Variants in NIM1K observed in about 807,000 individuals in gnomAD.
NIM1K encodes NIM1 serine/threonine protein kinase.
NIM1K carries 35 observed loss-of-function variants against 37.1 expected under a neutral mutation model. The observed-to-expected ratio is 0.94, with a 90% CI of 0.72 to 1.25. The LOEUF is 1.25. Ranked by LOEUF, NIM1K falls within the 50% of genes most tolerant of loss-of-function variation. The probability of loss-of-function intolerance (pLI) is 0.00; values close to 1 mark genes in which losing one functional copy is unlikely to be tolerated. For missense variants in NIM1K, 564 were observed against 548.0 expected (o/e 1.03, Z -0.29); for synonymous variants, 234 against 206.6 (o/e 1.13, Z -1.14).
intron 1 of NIM1K, chr5:43,232,543 T>A (rs1752555287): frequency 8.2e-6 from 13 of 1,579,400 alleles, no homozygotes; most frequent in Non-Finnish European, 1.1e-5. Flanking sequence ...CCAGATATCA[T>A]AAGTGGCCTC....
chr5:43,225,689 A>G (rs1752447765), intron 1 of NIM1K: 1 of 155,164 alleles, frequency 6.4e-6, no homozygotes, highest in South Asian at 2.0e-4. Flanking sequence ...CTCAAGAGGC[A>G]CCAGGCTTCC....
rs70994612 is a variant in NIM1K at position 43,218,724 on chromosome 5, C to CTT, written c.-695+26326_-695+26327dup. 8.1e-4 allele frequency among the ~76,000 whole-genome samples: 115 copies of CTT among 141,112 alleles called. 1 individual carries two copies. Among genetic ancestry groups the CTT allele is most frequent in the Non-Finnish European group, 1.0e-3 (67 of 65,288 alleles). 92.6% of individuals were successfully genotyped at this position (141,112 alleles called of 152,430 possible). A position where few individuals can be genotyped will look rare whatever the true frequency, so the allele number is the denominator to read the frequency against. On this transcript the variant is annotated intron_variant, in intron 1 of 3. Transcript: ENST00000326035. ...TTGAGGATCAAATTTTTCTTCTTTTCTTTTTTTTTTTTTTGTGAGTCTCAT... is the reference window on the plus strand; with the variant it reads ...TTGAGGATCAAATTTTTCTTCTTTTCTTTTTTTTTTTTTTTTGTGAGTCTCAT...
intron 1 of NIM1K, chr5:43,232,848 G>A: frequency 9.6e-7 from 1 of 1,042,478 alleles, no homozygotes; most frequent in Non-Finnish European, 1.5e-6. Flanking sequence ...GGCCAATGGT[G>A]TAGTGCCTTC....
intron 1 of NIM1K, among the ~76,000 whole-genome samples, chr5:43,226,409 T>A (rs1197468123): frequency 6.6e-6 from 1 of 152,094 alleles, no homozygotes; most frequent in East Asian, 1.9e-4. Context: ...CTGGAAATAT[T>A]TTGAAGGTAG....
chr5:43,280,114 G>T lies in NIM1K; in HGVS notation c.696G>T (p.Gly232=), dbSNP rs753434645. ...KKGEMLNTFC[G]SPPYAAPELF... ...GTGAAATGCTGAACACTTTCTGTGG[G>T]TCTCCTCCCTACGCTGCGCCTGAAC... The change falls in exon 4 of 4, where the codon GGG becomes GGT. Residue 232 remains glycine, a synonymous_variant. Coordinates refer to ENST00000326035, the MANE Select transcript of NIM1K (RefSeq NM_153361.4). 3.7e-6 allele frequency: 6 copies of T among 1,614,150 alleles called. No homozygotes were observed. Among genetic ancestry groups the T allele is most frequent in the Non-Finnish European group, 5.1e-6 (6 of 1,180,034 alleles).
chr5:43,277,815 T>TGTGTGTGTGTGTGAGA lies in NIM1K; in HGVS notation c.561+491_561+492insTGTGTGTGTGTGAGAG, dbSNP rs532526440. Among the ~76,000 whole-genome samples, 9 of 128,980 alleles carry TGTGTGTGTGTGTGAGA rather than the reference T, an allele frequency of 7.0e-5. 1 individual carries two copies. Among genetic ancestry groups the TGTGTGTGTGTGTGAGA allele is most frequent in the African/African-American group, 2.6e-4 (9 of 34,584 alleles). The allele number at this position is 128,980 out of a possible 152,430, so 84.6% of individuals were successfully genotyped here. A position where few individuals can be genotyped will look rare whatever the true frequency, so the allele number is the denominator to read the frequency against. On this transcript the variant is annotated intron_variant, in intron 3 of 3. Coordinates refer to ENST00000326035, the MANE Select transcript of NIM1K (RefSeq NM_153361.4). ...GTGTGTGTGTGTGTGTGTGTGTGTGTGAGAGAGAGAGAGAGAGAGAGAGAG... is the reference window on the plus strand; with the variant it reads ...GTGTGTGTGTGTGTGTGTGTGTGTGTGTGTGTGTGTGTGAGAGAGAGAGAGAGAGAGAGAGAGAGAG...
Position 43,245,813 on chromosome 5 carries a change from A to G in NIM1K, c.38A>G (p.Asn13Ser). 6.2e-7 allele frequency: 1 copy of G among 1,611,148 alleles called. No homozygotes were observed. The highest frequency in any genetic ancestry group is 8.5e-7 in the Non-Finnish European group (1 of 1,178,438). The change falls in exon 2 of 4, where the codon AAC (asparagine) becomes AGC (serine). Residue 13 changes from asparagine to serine, a missense_variant. Transcript: ENST00000326035. ...TATATGAATGGAGGTGGCCTGGTGA[A>G]CCCCCACTATGCCCGGTGGGATCGG... ...AVYMNGGGLV[N>S]PHYARWDRRD...
At chr5:43,212,089 C>G (rs1453371393) in intron 1 of NIM1K, among the ~76,000 whole-genome samples, 1 of 152,098 alleles carries the variant, frequency 6.6e-6, no homozygotes, top group Admixed American at 6.6e-5. Flanking sequence ...ATTTCCGCCT[C>G]TCTTGGATGC....
chr5:43,224,697 A>ATTTT lies in NIM1K; in HGVS notation c.-694-20371_-694-20368dup, dbSNP rs34015498. Among the ~76,000 whole-genome samples, 17 of 140,784 alleles carry ATTTT rather than the reference A, an allele frequency of 1.2e-4. 2 individuals carry two copies. The highest frequency in any genetic ancestry group is 4.2e-4 in the East Asian group (2 of 4,756). 92.4% of individuals were successfully genotyped at this position (140,784 alleles called of 152,430 possible). A position where few individuals can be genotyped will look rare whatever the true frequency, so the allele number is the denominator to read the frequency against. ...TCTGATTAACAGCAATAACAAGTGA[A>ATTTT]TTTTTTTTTTTTTTTTTGAGACAGC... On this transcript the variant is annotated intron_variant, in intron 1 of 3. Transcript: ENST00000326035.
intron 1 of NIM1K, among the ~76,000 whole-genome samples, chr5:43,213,440 G>C (rs922464090): frequency 5.4e-5 from 8 of 149,232 alleles, no homozygotes; most frequent in Middle Eastern, 3.5e-3. Context: ...AGTGATTCTC[G>C]TGCCTCAGCC....
At chr5:43,279,581 G>A (rs1044909853) in intron 3 of NIM1K, among the ~76,000 whole-genome samples, 1 of 152,204 alleles carries the variant, frequency 6.6e-6, no homozygotes, top group Non-Finnish European at 1.5e-5. Flanking sequence ...AGCATGGCCG[G>A]AAAGTCAGGG....
chr5:43,275,981 A>T (rs1010437475), intron 2 of NIM1K, among the ~76,000 whole-genome samples: 4 of 149,940 alleles, frequency 2.7e-5, no homozygotes, highest in African/African-American at 9.9e-5. Context: ...GCTCACTGCA[A>T]CCTCTGCCTC....
chr5:43,260,408 C>T (rs1317559095), intron 2 of NIM1K, among the ~76,000 whole-genome samples: 2 of 152,048 alleles, frequency 1.3e-5, no homozygotes, highest in Non-Finnish European at 2.9e-5. Context: ...TCCTTCTATG[C>T]CTAGTTTGTT....
At chr5:43,219,412 A>C (rs888577618) in intron 1 of NIM1K, among the ~76,000 whole-genome samples, 7 of 152,058 alleles carry the variant, frequency 4.6e-5, no homozygotes, top group Non-Finnish European at 1.0e-4. Context: ...TAATTCTAAA[A>C]ATTTTATTTG....
At chr5:43,208,968 T>C (rs1352354600) in intron 1 of NIM1K, among the ~76,000 whole-genome samples, 1 of 152,186 alleles carries the variant, frequency 6.6e-6, no homozygotes, top group East Asian at 1.9e-4. Context: ...AGTCCATGGG[T>C]GTGTACATTT....
intron 1 of NIM1K, among the ~76,000 whole-genome samples, chr5:43,241,362 G>A (rs1752700474): frequency 6.9e-6 from 1 of 145,106 alleles, no homozygotes; most frequent in South Asian, 2.1e-4. Flanking sequence ...ACGGAGTCTC[G>A]CTCTGCCTTT....
At chr5:43,233,705 G>A (rs1419203200) in intron 1 of NIM1K, among the ~76,000 whole-genome samples, 5 of 152,238 alleles carry the variant, frequency 3.3e-5, no homozygotes, top group African/African-American at 7.2e-5. Context: ...TTACAAGGCA[G>A]CAAAAGAGCA....
chr5:43,270,722 A>G (rs1276386301), intron 2 of NIM1K, among the ~76,000 whole-genome samples: 2 of 152,180 alleles, frequency 1.3e-5, no homozygotes, highest in Non-Finnish European at 2.9e-5. Flanking sequence ...GCAGGCAGAG[A>G]GTAGTGGGAA....
At chr5:43,218,563 C>A (rs546656521) in intron 1 of NIM1K, among the ~76,000 whole-genome samples, 2 of 152,112 alleles carry the variant, frequency 1.3e-5, no homozygotes, top group Admixed American at 6.5e-5. Flanking sequence ...AGGTGCCATG[C>A]TCTTTAAAAC....
Sources: gnomAD v4.1 joint callset for allele counts (sites outside exome capture counted in the v4.1 genomes callset) on GRCh38, gnomAD v4.1.1 for gene constraint, MANE v1.5 for transcripts, NCBI Gene and HGNC (gene_info 2026-07-23, HGNC 2026-07-21) for gene names.